MLLT1: variants seen among roughly 807,000 people sequenced by gnomAD.
The protein encoded by MLLT1 is protein ENL.
Under a neutral mutation model 55.1 loss-of-function variants are expected in MLLT1, and 11 were observed. The observed-to-expected ratio is 0.20, with a 90% confidence interval of 0.13 to 0.33. The LOEUF is 0.33. MLLT1 is among the 10% of genes least tolerant of loss of function. The pLI is 1.00. For missense variants in MLLT1, 536 were observed against 760.6 expected, an observed-to-expected ratio of 0.70 and a Z score of 3.47; for synonymous variants, 323 against 320.1, an observed-to-expected ratio of 1.01 and a Z score of -0.10.
At chr19:6,254,474 GGGACTC>G (rs2091242710) in intron 3 of MLLT1, among the ~76,000 whole-genome samples, 1 of 152,242 alleles carries the variant, frequency 6.6e-6, no homozygotes, top group Admixed American at 6.5e-5. Context: ...GTGGCAGTCT[GGGACTC>G]GCGACTGGCA....
chr19:6,239,329 T>C (rs1212162996), intron 3 of MLLT1, among the ~76,000 whole-genome samples: 1 of 152,094 alleles, frequency 6.6e-6, no homozygotes, highest in Admixed American at 6.5e-5. Context: ...CCACAGAGTA[T>C]AAACCAACGT....
At chr19:6,278,565 C>T (rs1339908463) in intron 1 of MLLT1, among the ~76,000 whole-genome samples, 1 of 151,690 alleles carries the variant, frequency 6.6e-6, no homozygotes, top group South Asian at 2.1e-4. Context: ...GGCTGATGGG[C>T]GTTAGATGAA....
chr19:6,219,998 G>T lies in MLLT1; in HGVS notation c.1111-1957C>A, dbSNP rs1287528315. On this transcript the variant is annotated intron_variant, in intron 6 of 11. Transcript: ENST00000252674. The surrounding 1 kb of genome is among the most constrained non-coding windows in gnomAD (Gnocchi z 4.5). ...CACCGGAGCACGCCCGGGGCTCAGAGGGAGGGCGGAGCAGACTGGGTCCAC... is the reference window on the plus strand; with the variant it reads ...CACCGGAGCACGCCCGGGGCTCAGATGGAGGGCGGAGCAGACTGGGTCCAC... Among the ~76,000 whole-genome samples the T allele has an allele frequency of 6.6e-6, 1 of 152,260 alleles. No individual in the cohort carries two copies. The highest frequency in any genetic ancestry group is 6.5e-5 in the Admixed American group (1 of 15,294).
intron 6 of MLLT1, among the ~76,000 whole-genome samples, chr19:6,220,789 G>A (rs578204945): frequency 6.6e-6 from 1 of 152,350 alleles, no homozygotes; most frequent in African/African-American, 2.4e-5. Context: ...TGTGGTTGCT[G>A]CACAGGCAGA....
At chr19:6,232,088 T>C (rs1488266337) in intron 3 of MLLT1, among the ~76,000 whole-genome samples, 2 of 152,126 alleles carry the variant, frequency 1.3e-5, no homozygotes, top group East Asian at 1.9e-4. Context: ...ATACAAAAAT[T>C]AGCCGAGCAT....
At chr19:6,228,033 G>A (rs2090971221) in intron 4 of MLLT1, among the ~76,000 whole-genome samples, 1 of 152,228 alleles carries the variant, frequency 6.6e-6, no homozygotes, top group Admixed American at 6.5e-5. Context: ...CTGATGTCAT[G>A]CGGCCATGGG....
chr19:6,213,505 A>T, intron 10 of MLLT1, 97 bp from the exon 11 acceptor site: 1 of 1,177,906 alleles, frequency 8.5e-7, no homozygotes, highest in Non-Finnish European at 1.3e-6. Context: ...ATCCCAGCAC[A>T]GGACAGAGGT....
In MLLT1 at chr19:6,227,449, C is replaced by T. The variant is rs1222886291; in HGVS notation, c.421-347G>A. On this transcript the variant is annotated intron_variant, in intron 4 of 11. Coordinates refer to ENST00000252674, the MANE Select transcript of MLLT1 (RefSeq NM_005934.4). This position sits in a 1 kb window ranked among gnomAD's most constrained non-coding sequence, Gnocchi z 5.1. Reference sequence around the variant, plus strand: ...AGCTGCGGCCGAAGCCTGACCTACGCGCTTAGGTTTAGGGGGAACAGCTCA... The same window carrying T: ...AGCTGCGGCCGAAGCCTGACCTACGTGCTTAGGTTTAGGGGGAACAGCTCA... Among the ~76,000 whole-genome samples the T allele has an allele frequency of 2.0e-5, 3 of 152,214 alleles. No individual in the cohort carries two copies. Among genetic ancestry groups the T allele is most frequent in the African/African-American group, 7.2e-5 (3 of 41,448 alleles).
chr19:6,262,243 C>T lies in MLLT1; in HGVS notation c.261G>A (p.Val87=), dbSNP rs58290738. The change falls in exon 3 of 12, where the codon GTG becomes GTA. Residue 87 remains valine, a synonymous_variant. Coordinates refer to ENST00000252674, the MANE Select transcript of MLLT1 (RefSeq NM_005934.4). The surrounding 1 kb of genome is among the most constrained non-coding windows in gnomAD (Gnocchi z 4.4). ...GYAGFIMPIE[V]HFKNKEEPRK... ...GGGATCCTACCTTGTTTTTGAAGTG[C>T]ACCTCGATGGGCATGATGAAGCCAG... 60 of 1,613,872 alleles carry T rather than the reference C, an allele frequency of 3.7e-5. No individual in the cohort carries two copies. Among genetic ancestry groups the T allele is most frequent in the Non-Finnish European group, 4.7e-5 (56 of 1,179,914 alleles).
At chr19:6,276,649 C>T (rs1027538916) in intron 1 of MLLT1, among the ~76,000 whole-genome samples, 4 of 152,064 alleles carry the variant, frequency 2.6e-5, no homozygotes, top group Non-Finnish European at 4.4e-5. Flanking sequence ...ATCCTTGTCA[C>T]GTCCCAGTCC....
chr19:6,265,777 G>T (rs2091344240), intron 2 of MLLT1, among the ~76,000 whole-genome samples: 6 of 151,940 alleles, frequency 3.9e-5, no homozygotes, highest in Admixed American at 2.6e-4. Context: ...TTAACAGATT[G>T]AGGCCATCCT....
chr19:6,216,312 C>A (rs937158869), intron 8 of MLLT1, 93 bp downstream of exon 8: 4 of 965,086 alleles, frequency 4.1e-6, no homozygotes, highest in African/African-American at 3.2e-5. Context: ...CCCTCCAGTC[C>A]CAACCCCACC....
Position 6,213,923 on chromosome 19 carries a change from C to A in MLLT1, c.1407+16G>T, listed in dbSNP as rs2090809048. 1 of 1,456,946 alleles carries A rather than the reference C, an allele frequency of 6.9e-7. No individual in the cohort carries two copies. The highest frequency in any genetic ancestry group is 2.4e-5 in the East Asian group (1 of 41,756). 90.3% of individuals were successfully genotyped at this position (1,456,946 alleles called of 1,614,324 possible). A position where few individuals can be genotyped will look rare whatever the true frequency, so the allele number is the denominator to read the frequency against. On this transcript the variant is annotated intron_variant, in intron 9 of 11. Coordinates refer to ENST00000252674, the MANE Select transcript of MLLT1 (RefSeq NM_005934.4). ...CGGCCTCTGGTGCACCCCCTGCCTG[C>A]AGGCCCCAGGCTCACCTTGCTGTTG...
At chr19:6,238,392 T>A (rs953266421) in intron 3 of MLLT1, among the ~76,000 whole-genome samples, 1 of 152,238 alleles carries the variant, frequency 6.6e-6, no homozygotes, top group Non-Finnish European at 1.5e-5. Flanking sequence ...CAGGAAATAT[T>A]AGCAGATTAG....
At chr19:6,269,903 C>G (rs77393656) in intron 2 of MLLT1, among the ~76,000 whole-genome samples, 1 of 152,180 alleles carries the variant, frequency 6.6e-6, no homozygotes, top group African/African-American at 2.4e-5. Flanking sequence ...GAAAAGTAGA[C>G]GCGGCCCCAG....
chr19:6,257,900 C>A (rs191931856), intron 3 of MLLT1, among the ~76,000 whole-genome samples: 22 of 152,256 alleles, frequency 1.4e-4, no homozygotes, highest in Admixed American at 3.9e-4. Flanking sequence ...TGAAACATCA[C>A]GGGTCATCAA....
chr19:6,250,771 A>C (rs2091206283), intron 3 of MLLT1, among the ~76,000 whole-genome samples: 1 of 152,172 alleles, frequency 6.6e-6, no homozygotes, highest in Non-Finnish European at 1.5e-5. Context: ...GAAACCTGGT[A>C]CTCAAACACA....
intron 3 of MLLT1, among the ~76,000 whole-genome samples, chr19:6,246,549 A>G (rs1372359192): frequency 6.6e-6 from 1 of 152,008 alleles, no homozygotes; most frequent in Non-Finnish European, 1.5e-5. Context: ...AGGGCTACAT[A>G]TTGTCTGAGT....
chr19:6,267,132 C>T (rs10402968), intron 2 of MLLT1, among the ~76,000 whole-genome samples: 79,476 of 151,698 alleles, frequency 0.52, 24,576 homozygotes, highest in Non-Finnish European at 0.66. Context: ...GACATAGTTT[C>T]GCTCTGTCGC....
Sources: allele counts gnomAD v4.1 joint callset (sites outside exome capture counted in the v4.1 genomes callset), GRCh38; gene constraint gnomAD v4.1.1; non-coding constraint Gnocchi (gnomAD v3.1); transcripts MANE v1.5; gene names NCBI Gene and HGNC (gene_info 2026-07-23, HGNC 2026-07-21).